Variants in SNTG1 observed in about 807,000 individuals in gnomAD.
The protein encoded by SNTG1 is gamma-1-syntrophin.
Under a neutral mutation model 74.7 loss-of-function variants are expected in SNTG1, and 39 were observed. That is an observed-to-expected ratio of 0.52 (90% CI 0.40 to 0.68). The LOEUF is 0.68. SNTG1 is among the 30% of genes least tolerant of loss of function. The pLI is 0.00. For missense variants in SNTG1, 685 were observed against 609.5 expected, an observed-to-expected ratio of 1.12 and a Z score of -1.30; for synonymous variants, 254 against 217.1, an observed-to-expected ratio of 1.17 and a Z score of -1.49.
intron 1 of SNTG1, among the ~76,000 whole-genome samples, chr8:50,009,670 G>T (rs565860594): frequency 6.6e-6 from 1 of 152,264 alleles, no homozygotes; most frequent in African/African-American, 2.4e-5. Flanking sequence ...AAAGAAAAAT[G>T]TTGCAAAGTG....
chr8:50,459,925 G>A (rs2093544515), intron 8 of SNTG1, among the ~76,000 whole-genome samples: 1 of 152,192 alleles, frequency 6.6e-6, no homozygotes, highest in Non-Finnish European at 1.5e-5. Context: ...TGGGGACTTA[G>A]GTTGATTCTG....
intron 4 of SNTG1, among the ~76,000 whole-genome samples, chr8:50,426,898 T>C (rs2093170513): frequency 6.6e-6 from 1 of 152,182 alleles, no homozygotes; most frequent in Admixed American, 6.5e-5. Flanking sequence ...AGCAATATGG[T>C]ATAACAGCTT....
chr8:50,542,373 T>C lies in SNTG1; in HGVS notation c.680+5565T>C, dbSNP rs565188224. Among the ~76,000 whole-genome samples the C allele has an allele frequency of 3.0e-3, 457 of 152,114 alleles. 4 individuals carry two copies. Among genetic ancestry groups the C allele is most frequent in the African/African-American group, 0.011 (444 of 41,514 alleles). ...GGTTTCATCATGTTGGCTAGCCTGGTCTGGAACTCCTGACCTCAAGTGATC... is the reference window on the plus strand; with the variant it reads ...GGTTTCATCATGTTGGCTAGCCTGGCCTGGAACTCCTGACCTCAAGTGATC... On this transcript the variant is annotated intron_variant, in intron 11 of 18. Coordinates refer to ENST00000642720, the MANE Select transcript of SNTG1 (RefSeq NM_018967.5).
chr8:49,977,943 G>A lies in SNTG1; in HGVS notation c.-103+65712G>A, dbSNP rs568827684. ...GCTGTTTACTAGATTTGTGACCAGGGGGATATCCTTGGAGCCTCAGTTTTC... is the reference window on the plus strand; with the variant it reads ...GCTGTTTACTAGATTTGTGACCAGGAGGATATCCTTGGAGCCTCAGTTTTC... On this transcript the variant is annotated intron_variant, in intron 1 of 18. Transcript: ENST00000642720. 2.6e-5 allele frequency among the ~76,000 whole-genome samples: 4 copies of A among 152,282 alleles called. No homozygotes were observed. In the South Asian group the frequency reaches 8.3e-4, roughly 32 times the overall value.
At chr8:50,406,357 C>T (rs575089853) in intron 4 of SNTG1, among the ~76,000 whole-genome samples, 47 of 152,078 alleles carry the variant, frequency 3.1e-4, no homozygotes, top group South Asian at 1.9e-3. Flanking sequence ...TGTTAGTGCA[C>T]GGAAATGTAA....
chr8:50,065,992 G>A (rs529958364), intron 1 of SNTG1, among the ~76,000 whole-genome samples: 5 of 152,178 alleles, frequency 3.3e-5, no homozygotes, highest in South Asian at 2.1e-4. Flanking sequence ...CGAGGCAGGC[G>A]GATCACAAGG....
intron 2 of SNTG1, among the ~76,000 whole-genome samples, chr8:50,290,104 C>T (rs2089010934): frequency 6.6e-6 from 1 of 152,128 alleles, no homozygotes; most frequent in Non-Finnish European, 1.5e-5. Flanking sequence ...GTTTTATCTT[C>T]CAGGAACCAT....
At chr8:50,613,222 T>G (rs1030623860) in intron 13 of SNTG1, among the ~76,000 whole-genome samples, 1 of 152,182 alleles carries the variant, frequency 6.6e-6, no homozygotes, top group Non-Finnish European at 1.5e-5. Context: ...TGGGTGAAGT[T>G]CGTTTTAAGC....
Position 50,454,086 on chromosome 8 carries a change from T to C in SNTG1, c.363+3357T>C, listed in dbSNP as rs574433387. ...GATCTATTGCCACTACTGATGTTAA[T>C]TAACACTGATGCTATTCTCCTTACC... On this transcript the variant is annotated intron_variant, in intron 8 of 18. Coordinates refer to ENST00000642720, the MANE Select transcript of SNTG1 (RefSeq NM_018967.5). 4.6e-5 allele frequency among the ~76,000 whole-genome samples: 7 copies of C among 152,340 alleles called. No individual in the cohort carries two copies. In the South Asian group the frequency reaches 1.4e-3, roughly 32 times the overall value.
At chr8:50,474,372 T>C (rs1395654642) in intron 8 of SNTG1, among the ~76,000 whole-genome samples, 1 of 149,730 alleles carries the variant, frequency 6.7e-6, no homozygotes, top group Non-Finnish European at 1.5e-5. Context: ...CTCAAACAAA[T>C]TTACAAGAAA....
chr8:50,646,090 T>C (rs987803742), intron 13 of SNTG1, among the ~76,000 whole-genome samples: 2 of 152,220 alleles, frequency 1.3e-5, no homozygotes, highest in Non-Finnish European at 2.9e-5. Flanking sequence ...GTCCAATATG[T>C]CGTATTTGGA....
At chr8:50,687,299 C>T (rs927417734) in intron 15 of SNTG1, among the ~76,000 whole-genome samples, 1 of 151,528 alleles carries the variant, frequency 6.6e-6, no homozygotes, top group East Asian at 1.9e-4. Context: ...AGTAGTAAAT[C>T]CTTAACTATC....
intron 17 of SNTG1, among the ~76,000 whole-genome samples, chr8:50,728,778 G>A (rs756424144): frequency 9.2e-5 from 14 of 152,126 alleles, no homozygotes; most frequent in African/African-American, 2.2e-4. Flanking sequence ...CTTTTTCCTC[G>A]GACCCCTTTT....
chr8:50,753,374 C>A (rs73678678), intron 18 of SNTG1, among the ~76,000 whole-genome samples: 2,788 of 152,022 alleles, frequency 0.018, 80 homozygotes, highest in African/African-American at 0.06. Context: ...CAAAGCACAG[C>A]ACAAATTTTA....
chr8:50,672,759 C>G (rs1194389742), intron 15 of SNTG1, among the ~76,000 whole-genome samples: 1 of 152,114 alleles, frequency 6.6e-6, no homozygotes, highest in Non-Finnish European at 1.5e-5. Context: ...GAATTCTTGG[C>G]TTATCCCTAT....
chr8:50,227,539 G>T (rs1245109618), intron 2 of SNTG1, among the ~76,000 whole-genome samples: 1 of 152,042 alleles, frequency 6.6e-6, no homozygotes, highest in Non-Finnish European at 1.5e-5. Flanking sequence ...AGAAAAACTT[G>T]TGAAGGTCCC....
intron 9 of SNTG1, among the ~76,000 whole-genome samples, chr8:50,518,562 C>T (rs1001617586): frequency 6.6e-6 from 1 of 151,750 alleles, no homozygotes; most frequent in Non-Finnish European, 1.5e-5. Flanking sequence ...ACTATCCAGA[C>T]CAAGAAAGAA....
chr8:50,671,437 A>G (rs1000097037), intron 15 of SNTG1, among the ~76,000 whole-genome samples: 35 of 139,590 alleles, frequency 2.5e-4, no homozygotes, highest in African/African-American at 9.9e-4. Context: ...AAAGACACAT[A>G]AAAAAATGCT....
At chr8:50,016,400 A>T (rs1331543035) in intron 1 of SNTG1, among the ~76,000 whole-genome samples, 2 of 152,134 alleles carry the variant, frequency 1.3e-5, no homozygotes, top group Admixed American at 6.6e-5. Context: ...TCAAATGCCA[A>T]AGGACCATAG....
Sources: gnomAD v4.1 joint callset for allele counts (sites outside exome capture counted in the v4.1 genomes callset) on GRCh38, gnomAD v4.1.1 for gene constraint, MANE v1.5 for transcripts, NCBI Gene and HGNC (gene_info 2026-07-23, HGNC 2026-07-21) for gene names.